PDE7B: variants seen among roughly 807,000 people sequenced by gnomAD.
PDE7B encodes 3',5'-cyclic-AMP phosphodiesterase 7B.
A neutral mutation model predicts 56.2 loss-of-function variants in PDE7B; 29 were observed. That is an observed-to-expected ratio of 0.52 (90% CI 0.38 to 0.70). PDE7B has a LOEUF of 0.70. Ranked by LOEUF, PDE7B falls within the 30% of genes least tolerant of loss-of-function variation. The pLI, the probability that PDE7B is intolerant of heterozygous loss-of-function variation, is 0.00. For missense variants in PDE7B, 490 were observed against 565.0 expected (o/e 0.87, Z 1.35); for synonymous variants, 197 against 196.9 (o/e 1.00, Z 0.00).
chr6:135,928,505 ATATATATATTTATT>A (rs1437588532), intron 1 of PDE7B, among the ~76,000 whole-genome samples: 4 of 132,118 alleles, frequency 3.0e-5, no homozygotes, highest in South Asian at 2.3e-4. Flanking sequence ...ATATATTTAT[ATATATATATTTATT>A]TATATATATA....
chr6:135,955,882 A>C (rs1774784543), intron 2 of PDE7B, among the ~76,000 whole-genome samples: 1 of 152,214 alleles, frequency 6.6e-6, no homozygotes, highest in African/African-American at 2.4e-5. Flanking sequence ...AGAAGAGTCC[A>C]AGAGAATTGA....
chr6:135,901,685 T>G (rs1306472341), intron 1 of PDE7B, among the ~76,000 whole-genome samples: 1 of 152,190 alleles, frequency 6.6e-6, no homozygotes, highest in Non-Finnish European at 1.5e-5. Flanking sequence ...AAGCACTTTA[T>G]GAGTTTCCAA....
intron 1 of PDE7B, among the ~76,000 whole-genome samples, chr6:135,921,855 A>T (rs1774088089): frequency 6.6e-6 from 1 of 152,048 alleles, no homozygotes; most frequent in South Asian, 2.1e-4. Context: ...CTATAAAAAA[A>T]TACCCCTTAT....
At chr6:135,962,068 G>A (rs1774912075) in intron 2 of PDE7B, among the ~76,000 whole-genome samples, 1 of 152,092 alleles carries the variant, frequency 6.6e-6, no homozygotes, top group African/African-American at 2.4e-5. Context: ...GTTGACAATG[G>A]GAAAGTTTGT....
At chr6:135,932,714 T>A (rs556689948) in intron 1 of PDE7B, among the ~76,000 whole-genome samples, 1 of 152,316 alleles carries the variant, frequency 6.6e-6, no homozygotes, top group African/African-American at 2.4e-5. Flanking sequence ...GAAAGTCTCC[T>A]ATGGTCACCG....
chr6:136,149,131 G>T lies in PDE7B; in HGVS notation c.363G>T (p.Leu121Phe), dbSNP rs368912727. The T allele has an allele frequency of 1.2e-6, 2 of 1,611,404 alleles. No homozygotes were observed. The highest frequency in any genetic ancestry group is 2.7e-5 in the African/African-American group (2 of 74,806). Residue 121 changes from leucine (L) to phenylalanine (F), a missense_variant, in exon 5 of 13, where the codon TTG becomes TTT. Transcript: ENST00000308191. ...KVGMWDFDIF[L>F]FDRLTNGNSL... Reference sequence around the variant, plus strand: ...GAATGTGGGATTTTGACATTTTCTTGTTTGATCGCTTGACAAATGGTAAGT... The same window carrying T: ...GAATGTGGGATTTTGACATTTTCTTTTTTGATCGCTTGACAAATGGTAAGT...
At chr6:135,934,269 C>A (rs553403726) in intron 1 of PDE7B, among the ~76,000 whole-genome samples, 1 of 152,154 alleles carries the variant, frequency 6.6e-6, no homozygotes, top group Non-Finnish European at 1.5e-5. Flanking sequence ...ACATTTGAAA[C>A]ACTTTGGTAG....
intron 8 of PDE7B, among the ~76,000 whole-genome samples, chr6:136,158,533 TG>T (rs1778649111): frequency 6.6e-6 from 1 of 152,182 alleles, no homozygotes; most frequent in Non-Finnish European, 1.5e-5. Context: ...CTCCTTCTGT[TG>T]GCTGTGCTCT....
At chr6:136,059,016 A>T (rs1024943392) in intron 2 of PDE7B, among the ~76,000 whole-genome samples, 1 of 152,216 alleles carries the variant, frequency 6.6e-6, no homozygotes, top group South Asian at 2.1e-4. Context: ...TTTTAGATGC[A>T]TGAATTATGA....
intron 1 of PDE7B, among the ~76,000 whole-genome samples, chr6:135,945,724 G>A (rs1240213364): frequency 6.6e-6 from 1 of 152,158 alleles, no homozygotes; most frequent in African/African-American, 2.4e-5. Flanking sequence ...AAAGAAAGAG[G>A]AAAATGAGTG....
rs76058411 is a variant in PDE7B, at chr6:136,042,796, C to T, written c.83-65935C>T. On this transcript the variant is annotated intron_variant, in intron 2 of 12. Transcript: ENST00000308191. The stretch of plus-strand genomic sequence containing the variant: ...CAAATATGTTGAAGAATGAACATTT[C>T]GATCATTATAATCAAGAAGCATTTA... Among the ~76,000 whole-genome samples, 673 of 152,270 alleles carry T rather than the reference C, an allele frequency of 4.4e-3. 5 individuals carry two copies. The highest frequency in any genetic ancestry group is 0.016 in the African/African-American group (651 of 41,564).
In PDE7B at chr6:136,147,429, C is replaced by T; in HGVS notation, c.245C>T (p.Ser82Leu). The T allele has an allele frequency of 6.2e-7, 1 of 1,613,332 alleles. No homozygotes were observed. The highest frequency in any genetic ancestry group is 2.2e-5 in the East Asian group (1 of 44,878). The stretch of plus-strand genomic sequence containing the variant: ...AGCTTTCAAAGATACTTCCATGCAT[C>T]AAGGCTGCTTCGTGGAATTATACCA... ...LLSFQRYFHA[S>L]RLLRGIIPQA... Residue 82 changes from serine (S) to leucine (L), a missense_variant, in exon 4 of 13, where the codon TCA (serine) becomes TTA (leucine). Ser to Leu is a moderately radical substitution (Grantham distance 145). Transcript: ENST00000308191.
intron 2 of PDE7B, among the ~76,000 whole-genome samples, chr6:136,077,349 G>T (rs879337464): frequency 1.3e-5 from 2 of 152,052 alleles, no homozygotes; most frequent in African/African-American, 2.4e-5. Flanking sequence ...AATAAATAAA[G>T]AAAATGTAAA....
chr6:136,009,845 T>C (rs1271179598), intron 2 of PDE7B, among the ~76,000 whole-genome samples: 1 of 152,130 alleles, frequency 6.6e-6, no homozygotes, highest in Admixed American at 6.5e-5. Context: ...CATCTCTCTT[T>C]TCTTCTTCAT....
chr6:136,132,959 T>C (rs1195812738), intron 3 of PDE7B, among the ~76,000 whole-genome samples: 1 of 152,140 alleles, frequency 6.6e-6, no homozygotes, highest in Non-Finnish European at 1.5e-5. Context: ...GAAATCTCAA[T>C]GCACAGGTAA....
intron 2 of PDE7B, among the ~76,000 whole-genome samples, chr6:136,047,826 G>T (rs1464591831): frequency 6.6e-6 from 1 of 152,108 alleles, no homozygotes; most frequent in Non-Finnish European, 1.5e-5. Context: ...TTCTGTCTGG[G>T]ACAGAATAAA....
chr6:135,898,761 C>A (rs567241724), intron 1 of PDE7B, among the ~76,000 whole-genome samples: 4 of 152,216 alleles, frequency 2.6e-5, no homozygotes, highest in African/African-American at 9.6e-5. Flanking sequence ...TTATGAAGAA[C>A]CCTAGCATTA....
At chr6:135,926,371 G>A (rs912847396) in intron 1 of PDE7B, among the ~76,000 whole-genome samples, 3 of 152,114 alleles carry the variant, frequency 2.0e-5, no homozygotes, top group Non-Finnish European at 4.4e-5. Context: ...ACAGGCGTGA[G>A]CCACCATGCC....
At chr6:135,861,526 T>TAA (rs1480690882) in intron 1 of PDE7B, among the ~76,000 whole-genome samples, 1 of 149,628 alleles carries the variant, frequency 6.7e-6, no homozygotes, top group Non-Finnish European at 1.5e-5. Context: ...TATATATATA[T>TAA]AATAAACATA....
Sources: gnomAD v4.1 joint callset for allele counts (sites outside exome capture counted in the v4.1 genomes callset) on GRCh38, gnomAD v4.1.1 for gene constraint, MANE v1.5 for transcripts, NCBI Gene and HGNC (gene_info 2026-07-23, HGNC 2026-07-21) for gene names.